The following IMPG2 variants were observed in gnomAD, a reference collection of about 807,000 sequenced individuals.
The protein encoded by IMPG2 is IPM 200.
Under a neutral mutation model 129.2 loss-of-function variants are expected in IMPG2, and 91 were observed. That is an observed-to-expected ratio of 0.70 (90% CI 0.59 to 0.84). IMPG2 has a LOEUF of 0.84. Ranked by LOEUF, IMPG2 falls within the 40% of genes least tolerant of loss-of-function variation. The probability of loss-of-function intolerance (pLI) is 0.00; values close to 1 mark genes in which losing one functional copy is unlikely to be tolerated. For missense variants in IMPG2, 1,430 were observed against 1,461.7 expected (o/e 0.98, Z 0.35); for synonymous variants, 510 against 517.7 (o/e 0.99, Z 0.20).
Position 101,259,930 on chromosome 3 carries a change from G to T in IMPG2, c.909-2157C>A, listed in dbSNP as rs1470185880. Among the ~76,000 whole-genome samples, 3 of 152,240 alleles carry T rather than the reference G, an allele frequency of 2.0e-5. No individual in the cohort carries two copies. In the East Asian group the frequency reaches 5.8e-4, roughly 29 times the overall value. On this transcript the variant is annotated intron_variant, in intron 9 of 18. Transcript: ENST00000193391. ...GGAAAGAATGCATGAGCCAGTCAAT[G>T]CTATAATAATTGATTGGTCTGTTGG...
At position 101,320,461 on chromosome 3, in the gene IMPG2, GA is replaced by G; in HGVS notation, c.-90del. 2 of 790,640 alleles carry G rather than the reference GA, an allele frequency of 2.5e-6. No individual in the cohort carries two copies. The highest frequency in any genetic ancestry group is 2.3e-4 in the Middle Eastern group (1 of 4,282). 49.0% of individuals were successfully genotyped at this position (790,640 alleles called of 1,614,324 possible). A position where few individuals can be genotyped will look rare whatever the true frequency, so the allele number is the denominator to read the frequency against. On this transcript the variant is annotated 5_prime_UTR_variant, in exon 1 of 19. An upstream open reading frame in the 5' UTR loses its in-frame stop. Coordinates refer to ENST00000193391, the MANE Select transcript of IMPG2 (RefSeq NM_016247.4). Reference sequence around the variant, plus strand: ...AACTTCCAATAACAAAGAGTTATAGGAAAGACCTAACATTTAAAAGTCTATG... The same window carrying G: ...AACTTCCAATAACAAAGAGTTATAGGAAGACCTAACATTTAAAAGTCTATG...
chr3:101,232,593 T>C (rs1312078598), intron 15 of IMPG2, among the ~76,000 whole-genome samples, 188 bp downstream of exon 15: 1 of 152,102 alleles, frequency 6.6e-6, no homozygotes, highest in East Asian at 1.9e-4. Context: ...CATAAATTAC[T>C]GAATTGAAAT....
intron 9 of IMPG2, among the ~76,000 whole-genome samples, chr3:101,259,611 G>A (rs189357703): frequency 8.2e-4 from 124 of 150,960 alleles, no homozygotes; most frequent in Non-Finnish European, 1.6e-3. Flanking sequence ...AAAGAAAACC[G>A]CAGCACAATC....
intron 4 of IMPG2, among the ~76,000 whole-genome samples, chr3:101,289,293 G>A (rs1229932057): frequency 6.6e-6 from 1 of 152,036 alleles, no homozygotes; most frequent in African/African-American, 2.4e-5. Flanking sequence ...CACAGTAAAA[G>A]GCAGTATTAA....
chr3:101,232,233 T>A (rs920863873), intron 15 of IMPG2, among the ~76,000 whole-genome samples: 2 of 150,812 alleles, frequency 1.3e-5, no homozygotes, highest in African/African-American at 4.9e-5. Flanking sequence ...ATTTTTTTTT[T>A]ATTTATTTTT....
chr3:101,250,191 CA>C (rs1706528885), intron 11 of IMPG2, among the ~76,000 whole-genome samples: 1 of 152,050 alleles, frequency 6.6e-6, no homozygotes, highest in African/African-American at 2.4e-5. Flanking sequence ...AACTTAGCAC[CA>C]AATAGACATA....
intron 11 of IMPG2, 145 bp downstream of exon 11, chr3:101,253,551 G>A: frequency 2.9e-6 from 2 of 690,756 alleles, no homozygotes; most frequent in East Asian, 5.4e-5. Context: ...TGAGCTGACA[G>A]CTATGAGTAA....
At chr3:101,245,040 G>GT (rs201778066) in intron 12 of IMPG2, among the ~76,000 whole-genome samples, 19,896 of 146,316 alleles carry the variant, frequency 0.14, 1,345 homozygotes, top group South Asian at 0.17. Context: ...TCAAACACTT[G>GT]TTTTTTTTTT....
chr3:101,272,552 T>G (rs1706797300), intron 7 of IMPG2, among the ~76,000 whole-genome samples: 1 of 152,202 alleles, frequency 6.6e-6, no homozygotes, highest in Non-Finnish European at 1.5e-5. Context: ...TAAGCTATAT[T>G]AAAAGTTCCT....
At chr3:101,256,193 G>GAAAGAA (rs1292360968) in intron 10 of IMPG2, among the ~76,000 whole-genome samples, 1 of 148,188 alleles carries the variant, frequency 6.7e-6, no homozygotes. Flanking sequence ...AAGAAAGAAA[G>GAAAGAA]AAAGAAAGAA....
At chr3:101,262,302 A>T (rs1307455592) in intron 9 of IMPG2, among the ~76,000 whole-genome samples, 1 of 152,056 alleles carries the variant, frequency 6.6e-6, no homozygotes, top group Non-Finnish European at 1.5e-5. Context: ...TAATGAGTAC[A>T]TTTTAAAAGA....
intron 2 of IMPG2, among the ~76,000 whole-genome samples, chr3:101,316,011 A>G (rs540803827): frequency 6.6e-6 from 1 of 152,242 alleles, no homozygotes; most frequent in African/African-American, 2.4e-5. Flanking sequence ...CAAAGGTGCA[A>G]AGCCAAGAAA....
intron 14 of IMPG2, among the ~76,000 whole-genome samples, chr3:101,233,223 C>T (rs1706309497): frequency 6.6e-6 from 1 of 152,166 alleles, no homozygotes; most frequent in Non-Finnish European, 1.5e-5. Context: ...ACCCTATGAC[C>T]TATCTAAGCC....
rs991446806 is a variant in IMPG2 at position 101,288,450 on chromosome 3, G to A, written c.533+3029C>T. Among the ~76,000 whole-genome samples the A allele has an allele frequency of 1.3e-5, 2 of 152,026 alleles. 1 individual carries two copies. The highest frequency in any genetic ancestry group is 1.3e-4 in the Admixed American group (2 of 15,256). On this transcript the variant is annotated intron_variant, in intron 4 of 18. Transcript: ENST00000193391. The stretch of plus-strand genomic sequence containing the variant: ...TAACAGCAAAAACATGGAATCAATC[G>A]AGGTGCCCATCAATGGTGGATTGGA...
intron 15 of IMPG2, 150 bp from the exon 16 acceptor site, chr3:101,231,295 G>T (rs778059606): frequency 1.9e-5 from 15 of 780,370 alleles, no homozygotes; most frequent in Admixed American, 4.0e-5. Context: ...CAGATTAAAA[G>T]ATCATACAAT....
intron 4 of IMPG2, among the ~76,000 whole-genome samples, chr3:101,277,708 G>A (rs1299547075): frequency 6.6e-6 from 1 of 152,122 alleles, no homozygotes; most frequent in Non-Finnish European, 1.5e-5. Flanking sequence ...GATAAGAAGA[G>A]ATCAGAAGAT....
At chr3:101,304,105 T>C in intron 3 of IMPG2, 41 bp downstream of exon 3, 1 of 1,607,862 alleles carries the variant, frequency 6.2e-7, no homozygotes, top group Non-Finnish European at 8.5e-7. Context: ...TAAATGCTCC[T>C]ACAATAGTCC....
chr3:101,320,349 C>T lies in IMPG2; in HGVS notation c.24G>A (p.Gly8=). Reference sequence around the variant, plus strand: ...ATATCAAAATACCCAGAGAAATCTTCCCAAAAAGAGGAAACATAATCATTT... The same window carrying T: ...ATATCAAAATACCCAGAGAAATCTTTCCAAAAAGAGGAAACATAATCATTT... MIMFPLF[G]KISLGILIFV... is the part of the protein sequence containing the mutation. Residue 8 remains glycine (G), a synonymous_variant, in exon 1 of 19, where the codon GGG becomes GGA. Transcript: ENST00000193391. 1 of 1,607,954 alleles carries T rather than the reference C, an allele frequency of 6.2e-7. No homozygotes were observed. Among genetic ancestry groups the T allele is most frequent in the Non-Finnish European group, 8.5e-7 (1 of 1,175,256 alleles).
intron 10 of IMPG2, among the ~76,000 whole-genome samples, chr3:101,255,289 A>G (rs1397900064): frequency 6.6e-6 from 1 of 152,136 alleles, no homozygotes; most frequent in East Asian, 1.9e-4. Flanking sequence ...ATTGAAATAT[A>G]TGTCTAATGA....
Sources: gnomAD v4.1 joint callset for allele counts (sites outside exome capture counted in the v4.1 genomes callset) on GRCh38, gnomAD v4.1.1 for gene constraint, MANE v1.5 for transcripts, NCBI Gene and HGNC (gene_info 2026-07-23, HGNC 2026-07-21) for gene names.